The following KCNAB2 variants were observed in gnomAD, a reference collection of about 807,000 sequenced individuals.
KCNAB2 encodes the protein potassium voltage-gated channel subfamily A regulatory beta subunit 2.
In KCNAB2, 29 loss-of-function variants were observed where a neutral mutation model predicts 63.6. That is an observed-to-expected ratio of 0.46 (90% CI 0.34 to 0.62). KCNAB2 has a LOEUF of 0.62. Among genes scored for constraint, KCNAB2 ranks in the 20% least tolerant of loss-of-function variants. KCNAB2 has a pLI of 0.01. For synonymous variants in KCNAB2, 222 were observed against 224.2 expected, an observed-to-expected ratio of 0.99 and a Z score of 0.09; for missense variants, 359 against 563.9, an observed-to-expected ratio of 0.64 and a Z score of 3.68.
chr1:6,093,111 C>A (rs1004282488), intron 10 of KCNAB2, among the ~76,000 whole-genome samples: 8 of 152,234 alleles, frequency 5.3e-5, no homozygotes, highest in African/African-American at 1.9e-4. Flanking sequence ...CAGCATCTTC[C>A]ATCCTTCCTT....
chr1:6,049,629 G>A (rs1021409252), intron 1 of KCNAB2, among the ~76,000 whole-genome samples: 1 of 152,226 alleles, frequency 6.6e-6, no homozygotes, highest in African/African-American at 2.4e-5. Context: ...CCAGGGTGGT[G>A]GGGCCAAGGC....
At chr1:6,061,495 A>G (rs1557468207) in intron 2 of KCNAB2, among the ~76,000 whole-genome samples, 1 of 152,232 alleles carries the variant, frequency 6.6e-6, no homozygotes. Flanking sequence ...GTAACAGAGC[A>G]GGCCTCCTCA....
intron 2 of KCNAB2, among the ~76,000 whole-genome samples, chr1:6,065,969 C>T (rs1662713220): frequency 1.3e-5 from 2 of 152,208 alleles, no homozygotes; most frequent in Admixed American, 6.5e-5. Flanking sequence ...GATAAAGTCT[C>T]GTCCTGGTCG....
intron 10 of KCNAB2, among the ~76,000 whole-genome samples, chr1:6,093,076 C>T (rs1665319424): frequency 6.6e-6 from 1 of 152,218 alleles, no homozygotes; most frequent in Admixed American, 6.5e-5. Flanking sequence ...GTTGCCATTC[C>T]AGGGGGGAGC....
intron 1 of KCNAB2, among the ~76,000 whole-genome samples, chr1:6,048,666 G>A (rs964181660): frequency 2.4e-4 from 36 of 152,378 alleles, no homozygotes; most frequent in Admixed American, 2.3e-3. Flanking sequence ...GGGAACTTGC[G>A]TGTCTGAGGC....
chr1:6,095,465 G>GCCGCCCCC, intron 12 of KCNAB2, 22 bp downstream of exon 12: 2 of 1,586,174 alleles, frequency 1.3e-6, no homozygotes, highest in Non-Finnish European at 1.7e-6. Context: ...CGGGCCCCTC[G>GCCGCCCCC]CCCCGCCCCA....
chr1:6,097,697 G>A, intron 15 of KCNAB2: 1 of 556,328 alleles, frequency 1.8e-6, no homozygotes, highest in East Asian at 2.8e-5. Flanking sequence ...GGTGGTGCTT[G>A]AGCAGTCTTG....
At chr1:6,076,102 C>T (rs1663637411) in intron 4 of KCNAB2, among the ~76,000 whole-genome samples, 1 of 152,240 alleles carries the variant, frequency 6.6e-6, no homozygotes, top group South Asian at 2.1e-4. Flanking sequence ...AAAGACTTGA[C>T]GTCTCCTGTT....
intron 2 of KCNAB2, among the ~76,000 whole-genome samples, chr1:6,068,755 A>AG (rs879406346): frequency 6.6e-6 from 1 of 152,134 alleles, no homozygotes; most frequent in African/African-American, 2.4e-5. Context: ...GCAGGGACTG[A>AG]GGGGGAGCCT....
chr1:6,009,451 T>C (rs1658021580), intron 1 of KCNAB2, among the ~76,000 whole-genome samples: 1 of 152,188 alleles, frequency 6.6e-6, no homozygotes. Context: ...ACACACACCT[T>C]CAGATGCACG....
At chr1:6,022,283 G>A (rs1399501719) in intron 1 of KCNAB2, among the ~76,000 whole-genome samples, 3 of 152,072 alleles carry the variant, frequency 2.0e-5, no homozygotes, top group Non-Finnish European at 4.4e-5. Flanking sequence ...GGTATTGAGT[G>A]TACAGTTCAG....
intron 1 of KCNAB2, among the ~76,000 whole-genome samples, chr1:6,011,148 C>T (rs1021384616): frequency 3.3e-5 from 5 of 152,214 alleles, no homozygotes; most frequent in African/African-American, 1.2e-4. Flanking sequence ...TGGGGAGATG[C>T]AGCATTGCTC....
In KCNAB2 at chr1:6,024,066, C is replaced by T. The variant is rs547027577; in HGVS notation, c.-52-16451C>T. Among the ~76,000 whole-genome samples the T allele has an allele frequency of 6.6e-5, 10 of 152,126 alleles. No individual in the cohort carries two copies. Among genetic ancestry groups the T allele is most frequent in the South Asian group, 2.1e-4 (1 of 4,802 alleles). ...AAGCAATTCTCCTGCCTCAGCCTTC[C>T]GAGTAGCTGGGATTACAGGCGCCCA... On this transcript the variant is annotated intron_variant, in intron 1 of 16. Transcript: ENST00000341524. This position sits in a 1 kb window ranked among gnomAD's most constrained non-coding sequence, Gnocchi z 5.4.
chr1:6,058,852 G>GCC (rs1421421382), intron 2 of KCNAB2, among the ~76,000 whole-genome samples: 1 of 152,214 alleles, frequency 6.6e-6, no homozygotes, highest in Non-Finnish European at 1.5e-5. Flanking sequence ...TTGAGGGCCT[G>GCC]CCCAGGACCA....
chr1:6,040,538 C>T lies in KCNAB2; in HGVS notation c.-31C>T, dbSNP rs749091483. ...CCAGAATTTTCCCACTGTAAAAAAC[C>T]GAGCAAGTCTGGATAAGTGAGGCTG... On this transcript the variant is annotated 5_prime_UTR_variant, in exon 2 of 16. Transcript: ENST00000164247. 1.2e-5 allele frequency: 20 copies of T among 1,602,714 alleles called. No individual in the cohort carries two copies. The East Asian group carries it at 1.8e-4, about 14-fold the overall frequency.
At chr1:6,075,401 G>A (rs184984697) in intron 4 of KCNAB2, among the ~76,000 whole-genome samples, 1 of 152,234 alleles carries the variant, frequency 6.6e-6, no homozygotes, top group African/African-American at 2.4e-5. Flanking sequence ...TCTCCATCAG[G>A]AACACAGTGA....
Position 6,053,796 on chromosome 1 carries a change from G to A in KCNAB2, c.218+2042G>A, listed in dbSNP as rs142228772. On this transcript the variant is annotated intron_variant, in intron 2 of 15. Transcript: ENST00000378083. ...TTCATCCTAAACCTCAGAATATGAC[G>A]TTAGGCTGGGTGTGGTGGCTCACGC... is the stretch of plus-strand genomic sequence containing the variant. Among the ~76,000 whole-genome samples the A allele has an allele frequency of 2.6e-3, 399 of 152,250 alleles. 1 individual carries two copies. Among genetic ancestry groups the A allele is most frequent in the African/African-American group, 8.8e-3 (366 of 41,542 alleles).
chr1:6,037,616 G>C (rs1237803358), intron 1 of KCNAB2, among the ~76,000 whole-genome samples: 1 of 152,202 alleles, frequency 6.6e-6, no homozygotes, highest in Non-Finnish European at 1.5e-5. Context: ...TCCTCCGATC[G>C]AAAGCACAGC....
chr1:6,047,817 C>G (rs960646585), intron 1 of KCNAB2, among the ~76,000 whole-genome samples: 2 of 152,216 alleles, frequency 1.3e-5, no homozygotes, highest in Admixed American at 6.5e-5. Flanking sequence ...GGCACCAGCC[C>G]TGCTCCTCAC....
Sources: allele counts gnomAD v4.1 joint callset (sites outside exome capture counted in the v4.1 genomes callset), GRCh38; gene constraint gnomAD v4.1.1; non-coding constraint Gnocchi (gnomAD v3.1); transcripts MANE v1.5; gene names NCBI Gene and HGNC (gene_info 2026-07-23, HGNC 2026-07-21).